The following FANCI variants were observed in gnomAD, a reference collection of about 807,000 sequenced individuals.
The protein encoded by FANCI is Fanconi anemia group I protein.
A neutral mutation model predicts 176.1 loss-of-function variants in FANCI; 156 were observed. That is an observed-to-expected ratio of 0.89 (90% CI 0.78 to 1.01). The LOEUF (loss-of-function observed/expected upper bound fraction) is 1.01. Ranked by LOEUF, FANCI falls within the 50% of genes least tolerant of loss-of-function variation. The pLI is 0.00. For missense variants in FANCI, 1,678 were observed against 1,534.1 expected (o/e 1.09, Z -1.57); for synonymous variants, 613 against 541.7 (o/e 1.13, Z -1.83).
intron 1 of FANCI, chr15:89,244,295 C>T (rs2051844210): frequency 6.6e-6 from 1 of 152,466 alleles, no homozygotes; most frequent in African/African-American, 2.4e-5. Context: ...GCTCTTACTT[C>T]TGAGAAATTT....
chr15:89,309,127 A>G (rs886378645), intron 34 of FANCI, among the ~76,000 whole-genome samples: 19 of 152,148 alleles, frequency 1.2e-4, no homozygotes, highest in African/African-American at 4.6e-4. Flanking sequence ...CCAGTAGTCA[A>G]CTGTCATAAA....
intron 27 of FANCI, among the ~76,000 whole-genome samples, chr15:89,303,184 G>C (rs1327226352): frequency 6.6e-6 from 1 of 152,194 alleles, no homozygotes; most frequent in Non-Finnish European, 1.5e-5. Context: ...AGAGCTTTCA[G>C]TTAGCCTCTT....
chr15:89,265,761 A>T (rs983411905), intron 9 of FANCI, among the ~76,000 whole-genome samples: 4 of 151,632 alleles, frequency 2.6e-5, no homozygotes, highest in African/African-American at 9.7e-5. Flanking sequence ...ACCTCAGGTG[A>T]TCCACCTGCC....
At chr15:89,254,053 A>G (rs2052388897) in intron 2 of FANCI, among the ~76,000 whole-genome samples, 1 of 152,076 alleles carries the variant, frequency 6.6e-6, no homozygotes, top group African/African-American at 2.4e-5. Context: ...CAATGAAAGA[A>G]CCATGAAGCA....
chr15:89,310,862 T>A (rs148766991), intron 34 of FANCI, among the ~76,000 whole-genome samples: 2 of 152,192 alleles, frequency 1.3e-5, no homozygotes, highest in Non-Finnish European at 2.9e-5. Context: ...TGGTGGCTCA[T>A]GCCTGTAATC....
chr15:89,296,267 A>ATT (rs57019106), intron 24 of FANCI, among the ~76,000 whole-genome samples: 1,593 of 149,020 alleles, frequency 0.011, 22 homozygotes, highest in Non-Finnish European at 0.013. Context: ...CCTGGCCCTT[A>ATT]TTTTTTTTTT....
intron 6 of FANCI, 59 bp downstream of exon 6, chr15:89,261,937 C>A (rs924221164): frequency 1.1e-5 from 16 of 1,513,280 alleles, no homozygotes; most frequent in Non-Finnish European, 1.5e-5. Flanking sequence ...AAAAAAACCA[C>A]TTTATTTCAG....
chr15:89,283,037 C>CAT, intron 16 of FANCI, 99 bp from the exon 17 acceptor site: 1 of 1,132,458 alleles, frequency 8.8e-7, no homozygotes, highest in Non-Finnish European at 1.3e-6. Context: ...ATTGTTTATA[C>CAT]ATATGCCTTC....
intron 17 of FANCI, among the ~76,000 whole-genome samples, chr15:89,284,400 G>T (rs1189032052): frequency 2.0e-5 from 3 of 152,072 alleles, no homozygotes; most frequent in African/African-American, 7.2e-5. Context: ...ACTACATAAA[G>T]CTTTGTCTAT....
chr15:89,276,647 G>A, intron 12 of FANCI, 64 bp from the exon 13 acceptor site: 1 of 1,562,790 alleles, frequency 6.4e-7, no homozygotes, highest in Non-Finnish European at 8.8e-7. Flanking sequence ...ACAGGGCAAT[G>A]AGTATAAAGG....
chr15:89,295,732 G>GCCCCC lies in FANCI; in HGVS notation c.2636+642_2636+646dup, dbSNP rs150758657. 2.9e-4 allele frequency among the ~76,000 whole-genome samples: 33 copies of GCCCCC among 114,464 alleles called. 1 individual carries two copies. The highest frequency in any genetic ancestry group is 5.0e-4 in the Non-Finnish European group (27 of 53,732). 75.1% of individuals were successfully genotyped at this position (114,464 alleles called of 152,430 possible). On this transcript the variant is annotated intron_variant, in intron 24 of 37. Coordinates refer to ENST00000310775, the MANE Select transcript of FANCI (RefSeq NM_001113378.2). ...TTTTCTAGTCTTGCCTTCCCCTGGCGCCCCCCCCACCTTTTTTTTTTTGTT... is the reference window on the plus strand; with the variant it reads ...TTTTCTAGTCTTGCCTTCCCCTGGCGCCCCCCCCCCCCCACCTTTTTTTTTTTGTT...
At position 89,295,022 on chromosome 15, in the gene FANCI, A is replaced by G. The variant is rs1326216528; in HGVS notation, c.2564A>G (p.Glu855Gly). The change falls in exon 24 of 38, where the codon GAA becomes GGA. Residue 855 changes from glutamate (E) to glycine (G), a missense_variant. By Grantham distance (98) the Glu-to-Gly change is moderately conservative. Transcript: ENST00000310775. ...CTGCAGAAAGTACAGCAGCTAAAGG[A>G]AACAGGGCATGTGAGTGGCCCTGAT... Reference protein sequence around the residue: ...VALQKVQQLKETGHVSGPDGQ... With the variant: ...VALQKVQQLKGTGHVSGPDGQ... 3 of 1,552,178 alleles carry G rather than the reference A, an allele frequency of 1.9e-6. No homozygotes were observed. In the African/African-American group the frequency reaches 4.1e-5, roughly 21 times the overall value.
chr15:89,282,371 G>A (rs1005750871), intron 16 of FANCI: 1 of 163,938 alleles, frequency 6.1e-6, no homozygotes, highest in Non-Finnish European at 1.3e-5. Flanking sequence ...AGGGGAATGA[G>A]TTTTATTTGT....
At chr15:89,256,975 C>T (rs1471896676) in intron 2 of FANCI, among the ~76,000 whole-genome samples, 5 of 152,250 alleles carry the variant, frequency 3.3e-5, no homozygotes, top group Admixed American at 6.5e-5. Flanking sequence ...GGCGTGAGCT[C>T]GGCTCACTGC....
At chr15:89,314,058 GACACACAC>G (rs544351534) in intron 35 of FANCI, among the ~76,000 whole-genome samples, 1 of 62,210 alleles carries the variant, frequency 1.6e-5, no homozygotes, top group Non-Finnish European at 3.4e-5. Flanking sequence ...TATAATCACA[GACACACAC>G]ACACACACAC....
chr15:89,308,087 G>T, intron 34 of FANCI: 1 of 1,121,244 alleles, frequency 8.9e-7, no homozygotes, highest in Non-Finnish European at 1.1e-6. Flanking sequence ...GGAAGGACGT[G>T]GCTTTGTAAG....
intron 2 of FANCI, among the ~76,000 whole-genome samples, chr15:89,248,680 G>A (rs547280643): frequency 1.6e-4 from 25 of 152,268 alleles, no homozygotes; most frequent in South Asian, 4.1e-4. Context: ...AATTGAAGGC[G>A]TGAACACTGT....
At chr15:89,294,822 C>A in intron 23 of FANCI, 93 bp from the exon 24 acceptor site, 1 of 1,352,496 alleles carries the variant, frequency 7.4e-7, no homozygotes, top group Non-Finnish European at 1.0e-6. Flanking sequence ...TTGGGTGCTG[C>A]TGTTCTGAAC....
At position 89,260,819 on chromosome 15, in the gene FANCI, G is replaced by A. The variant is rs1273596733; in HGVS notation, c.264G>A (p.Glu88=). 4.3e-6 allele frequency: 7 copies of A among 1,613,924 alleles called. No individual in the cohort carries two copies. Among genetic ancestry groups the A allele is most frequent in the South Asian group, 1.1e-5 (1 of 91,076 alleles). The part of the protein sequence containing the change: ...SGDLQKEIAS[E]IIGLLMLEAH... The stretch of plus-strand genomic sequence containing the variant: ...ATTTGCAGAAAGAAATAGCGTCTGA[G>A]ATCATAGGATTACTGATGCTGGAGG... The change falls in exon 4 of 38, where the codon GAG becomes GAA. Residue 88 remains glutamate (E), a synonymous_variant. Coordinates refer to ENST00000310775, the MANE Select transcript of FANCI (RefSeq NM_001113378.2).
Sources: allele counts gnomAD v4.1 joint callset (sites outside exome capture counted in the v4.1 genomes callset), GRCh38; gene constraint gnomAD v4.1.1; transcripts MANE v1.5; gene names NCBI Gene and HGNC (gene_info 2026-07-23, HGNC 2026-07-21).